Variants in CACNG4 observed in about 807,000 individuals in gnomAD.
CACNG4 encodes the protein calcium voltage-gated channel auxiliary subunit gamma 4.
Under a neutral mutation model 22.9 loss-of-function variants are expected in CACNG4, and 8 were observed. The ratio of observed to expected loss-of-function variants is 0.35; its 90% CI spans 0.21 to 0.63. The LOEUF (loss-of-function observed/expected upper bound fraction) is 0.63, where lower values mean the gene tolerates loss of function less well. Ranked by LOEUF, CACNG4 falls within the 30% of genes least tolerant of loss-of-function variation. The pLI, the probability that CACNG4 is intolerant of heterozygous loss-of-function variation, is 0.72. For synonymous variants in CACNG4, 188 were observed against 191.9 expected (o/e 0.98, Z 0.17); for missense variants, 357 against 455.4 (o/e 0.78, Z 1.97).
intron 3 of CACNG4, among the ~76,000 whole-genome samples, chr17:67,026,899 T>A (rs559323910): frequency 1.0e-5 from 1 of 100,176 alleles, no homozygotes; most frequent in Non-Finnish European, 2.1e-5. Context: ...TCCCCCCACC[T>A]CCTTTCTCTC....
chr17:67,009,263 A>T (rs904240258), intron 1 of CACNG4, among the ~76,000 whole-genome samples: 1 of 152,146 alleles, frequency 6.6e-6, no homozygotes, highest in African/African-American at 2.4e-5. Context: ...GGAACCCCCC[A>T]GTGTATGATA....
intron 1 of CACNG4, among the ~76,000 whole-genome samples, chr17:67,003,392 T>A (rs1381110380): frequency 6.6e-6 from 1 of 151,804 alleles, no homozygotes; most frequent in Non-Finnish European, 1.5e-5. Flanking sequence ...GGATGATCGA[T>A]AGGTATTTTA....
At chr17:67,016,171 C>G (rs756693432) in intron 1 of CACNG4, among the ~76,000 whole-genome samples, 2 of 152,170 alleles carry the variant, frequency 1.3e-5, no homozygotes, top group African/African-American at 2.4e-5. Flanking sequence ...TCAAGTATGA[C>G]GTGGTGTAAT....
At chr17:66,971,254 C>G (rs753256734) in intron 1 of CACNG4, among the ~76,000 whole-genome samples, 5 of 146,814 alleles carry the variant, frequency 3.4e-5, no homozygotes, top group African/African-American at 1.3e-4. Context: ...GCCAGAAGAG[C>G]CTTGAGGAGG....
At chr17:66,981,960 G>A (rs2035277264) in intron 1 of CACNG4, among the ~76,000 whole-genome samples, 1 of 152,156 alleles carries the variant, frequency 6.6e-6, no homozygotes, top group African/African-American at 2.4e-5. Flanking sequence ...TAGAGATACG[G>A]TCTCACTCTG....
chr17:67,013,126 T>C (rs2035477655), intron 1 of CACNG4, among the ~76,000 whole-genome samples: 1 of 152,048 alleles, frequency 6.6e-6, no homozygotes, highest in South Asian at 2.1e-4. Flanking sequence ...CTGGAACCCA[T>C]CGGGTCCTGG....
chr17:66,974,206 A>C (rs1199604438), intron 1 of CACNG4, among the ~76,000 whole-genome samples: 1 of 152,202 alleles, frequency 6.6e-6, no homozygotes, highest in Non-Finnish European at 1.5e-5. Context: ...GGGCCGAGGC[A>C]GGCCACAGCT....
chr17:67,019,173 A>G (rs1239197643), intron 2 of CACNG4, among the ~76,000 whole-genome samples: 1 of 152,140 alleles, frequency 6.6e-6, no homozygotes, highest in Non-Finnish European at 1.5e-5. Context: ...AGAGAGCACA[A>G]TTCACTCTGC....
In CACNG4 at chr17:67,032,486, A is replaced by C. The variant is rs968915420; in HGVS notation, c.*1482A>C. ...TGTTGTGCTTGGAAATAACGAGCGC[A>C]TCCTTGCCTCAGCTACCTGCTCACA... On this transcript the variant is annotated 3_prime_UTR_variant, in exon 4 of 4. Coordinates refer to ENST00000262138, the MANE Select transcript of CACNG4 (RefSeq NM_014405.4). 3.0e-5 allele frequency: 5 copies of C among 166,986 alleles called. No homozygotes were observed. Among genetic ancestry groups the C allele is most frequent in the Non-Finnish European group, 6.6e-5 (5 of 76,092 alleles). 10.3% of individuals were successfully genotyped at this position (166,986 alleles called of 1,614,324 possible).
rs2035573213 is a variant in CACNG4 at position 67,027,175 on chromosome 17, G to C, written c.445+2175G>C. ...GCTTCCTTGAAGTCACACGCACAGT[G>C]GCAAAGACATGCTGTGCCCAGGGCT... On this transcript the variant is annotated intron_variant, in intron 3 of 3. Coordinates refer to ENST00000262138, the MANE Select transcript of CACNG4 (RefSeq NM_014405.4). The surrounding 1 kb of genome is among the most constrained non-coding windows in gnomAD (Gnocchi z 4.3). 6.6e-6 allele frequency among the ~76,000 whole-genome samples: 1 copy of C among 152,184 alleles called. No individual in the cohort carries two copies. Among genetic ancestry groups the C allele is most frequent in the African/African-American group, 2.4e-5 (1 of 41,438 alleles).
At position 67,030,629 on chromosome 17, in the gene CACNG4, A is replaced by G; in HGVS notation, c.609A>G (p.Val203=). The G allele has an allele frequency of 6.2e-7, 1 of 1,614,192 alleles. No individual in the cohort carries two copies. Among genetic ancestry groups the G allele is most frequent in the Non-Finnish European group, 8.5e-7 (1 of 1,180,048 alleles). ...CTGAGACCGTGGGCGTCCTGGCTGT[A>G]AACATTTACATTGAGAAAAATAAAG... ...IVAETVGVLA[V]NIYIEKNKEL... Residue 203 remains valine (V), a synonymous_variant, in exon 4 of 4, where the codon GTA becomes GTG. Transcript: ENST00000262138. The surrounding 1 kb of genome is among the most constrained non-coding windows in gnomAD (Gnocchi z 6.4).
intron 1 of CACNG4, among the ~76,000 whole-genome samples, chr17:66,990,840 C>G (rs1222275919): frequency 6.6e-6 from 1 of 151,864 alleles, no homozygotes. Flanking sequence ...GCCACCATGC[C>G]CGGCTAATTT....
At chr17:66,987,746 C>G (rs1332844026) in intron 1 of CACNG4, among the ~76,000 whole-genome samples, 1 of 152,090 alleles carries the variant, frequency 6.6e-6, no homozygotes, top group Non-Finnish European at 1.5e-5. Context: ...CTGACTTTCC[C>G]CTTTTGACGG....
chr17:66,989,526 G>A (rs77557319), intron 1 of CACNG4, among the ~76,000 whole-genome samples: 5,230 of 151,528 alleles, frequency 0.035, 343 homozygotes, highest in East Asian at 0.22. Flanking sequence ...TGGACTTCTA[G>A]CCCCCAGAAC....
At chr17:67,015,528 T>C (rs945253604) in intron 1 of CACNG4, among the ~76,000 whole-genome samples, 2 of 152,120 alleles carry the variant, frequency 1.3e-5, no homozygotes, top group Non-Finnish European at 2.9e-5. Context: ...AGAAGCTGAG[T>C]ATAAAGGGTA....
intron 3 of CACNG4, among the ~76,000 whole-genome samples, chr17:67,028,353 A>T (rs1027790435): frequency 5.3e-5 from 8 of 152,168 alleles, no homozygotes; most frequent in Non-Finnish European, 1.0e-4. Context: ...GGAGATCGAG[A>T]CCATTCTGGC....
At chr17:67,010,995 A>G (rs2035464904) in intron 1 of CACNG4, among the ~76,000 whole-genome samples, 1 of 152,206 alleles carries the variant, frequency 6.6e-6, no homozygotes. Flanking sequence ...CTTTCACAGC[A>G]TACAGTCCAG....
intron 1 of CACNG4, among the ~76,000 whole-genome samples, chr17:67,005,620 C>G (rs74695188): frequency 9.8e-5 from 15 of 152,378 alleles, no homozygotes; most frequent in Non-Finnish European, 1.9e-4. Flanking sequence ...CCAGAATGGG[C>G]TGCAGACAGG....
In CACNG4 at chr17:67,031,210, C is replaced by A; in HGVS notation, c.*206C>A. 1 of 648,840 alleles carries A rather than the reference C, an allele frequency of 1.5e-6. No homozygotes were observed. Among genetic ancestry groups the A allele is most frequent in the Non-Finnish European group, 2.7e-6 (1 of 365,308 alleles). The allele number at this position is 648,840 out of a possible 1,614,324, so 40.2% of individuals were successfully genotyped here. On this transcript the variant is annotated 3_prime_UTR_variant, in exon 4 of 4. Transcript: ENST00000262138. This position sits in a 1 kb window ranked among gnomAD's most constrained non-coding sequence, Gnocchi z 4.0. ...GGCTGCAGAAGAAGCTGAAGGCTGA[C>A]TTTGTCCCCTCCCCGAAAAAGGGTG... is the stretch of plus-strand genomic sequence containing the variant.
Sources: allele counts gnomAD v4.1 joint callset (sites outside exome capture counted in the v4.1 genomes callset), GRCh38; gene constraint gnomAD v4.1.1; non-coding constraint Gnocchi (gnomAD v3.1); transcripts MANE v1.5; gene names NCBI Gene and HGNC (gene_info 2026-07-23, HGNC 2026-07-21).